CFAP54: variants seen among roughly 807,000 people sequenced by gnomAD.
CFAP54 encodes the protein cilia and flagella associated protein 54.
A neutral mutation model predicts 370.4 loss-of-function variants in CFAP54; 290 were observed. The ratio of observed to expected loss-of-function variants is 0.78; its 90% confidence interval spans 0.71 to 0.86. The LOEUF is 0.86. Ranked by LOEUF, CFAP54 falls within the 40% of genes least tolerant of loss-of-function variation. The pLI, the probability that CFAP54 is intolerant of heterozygous loss-of-function variation, is 0.00. For synonymous variants in CFAP54, 1,206 were observed against 1,236.5 expected, an observed-to-expected ratio of 0.98 and a Z score of 0.52; for missense variants, 3,399 against 3,528.7, an observed-to-expected ratio of 0.96 and a Z score of 0.93.
chr12:96,817,708 C>A, intron 64 of CFAP54, 67 bp from the exon 65 acceptor site: 1 of 1,086,972 alleles, frequency 9.2e-7, no homozygotes, highest in Non-Finnish European at 1.2e-6. Flanking sequence ...GCGTGAGCCA[C>A]CACGCCCGGC....
chr12:96,494,548 G>T (rs142345365), intron 1 of CFAP54, among the ~76,000 whole-genome samples: 1 of 151,726 alleles, frequency 6.6e-6, no homozygotes, highest in Non-Finnish European at 1.5e-5. Flanking sequence ...TGATCCACCC[G>T]CCTCAGCCTC....
intron 65 of CFAP54, among the ~76,000 whole-genome samples, chr12:96,819,469 ATTG>A (rs1346700150): frequency 2.6e-5 from 4 of 152,158 alleles, no homozygotes; most frequent in Non-Finnish European, 5.9e-5. Context: ...GCCAGAAATT[ATTG>A]TTTTTTCTGG....
chr12:96,578,901 G>A (rs1288234828), intron 20 of CFAP54, among the ~76,000 whole-genome samples: 1 of 152,120 alleles, frequency 6.6e-6, no homozygotes, highest in Non-Finnish European at 1.5e-5. Context: ...TGTTCATGAT[G>A]TCTCTACCCT....
chr12:96,765,552 C>T (rs1958394398), intron 60 of CFAP54, among the ~76,000 whole-genome samples: 1 of 152,192 alleles, frequency 6.6e-6, no homozygotes, highest in Non-Finnish European at 1.5e-5. Flanking sequence ...AATCTACATG[C>T]ACTCTCCCAC....
Position 96,538,398 on chromosome 12 carries a change from T to C in CFAP54, c.1806T>C (p.Asp602=), listed in dbSNP as rs201387248. The change falls in exon 13 of 68, where the codon GAT becomes GAC. Residue 602 remains aspartate, a synonymous_variant. Coordinates refer to ENST00000524981, the MANE Select transcript of CFAP54 (RefSeq NM_001306084.2). ...VCTAPQDVQP[D]KEIVVDTIMF... ...TTTGTTTTTAGGATGTTCAACCTGA[T>C]AAAGAAATTGTTGTGGACACGATAA... is the stretch of plus-strand genomic sequence containing the variant. 1.4e-4 allele frequency: 219 copies of C among 1,534,952 alleles called. 2 individuals carry two copies. Among genetic ancestry groups the C allele is most frequent in the South Asian group, 9.4e-4 (79 of 83,680 alleles).
Position 96,581,074 on chromosome 12 carries a change from C to G in CFAP54, c.3044C>G (p.Ser1015Cys). 1 of 1,519,214 alleles carries G rather than the reference C, an allele frequency of 6.6e-7. No homozygotes were observed. The highest frequency in any genetic ancestry group is 8.8e-7 in the Non-Finnish European group (1 of 1,139,368). 94.1% of individuals were successfully genotyped at this position (1,519,214 alleles called of 1,614,324 possible). A position where few individuals can be genotyped will look rare whatever the true frequency, so the allele number is the denominator to read the frequency against. Residue 1015 changes from serine (S) to cysteine (C), a missense_variant, in exon 22 of 68, where the codon TCT becomes TGT. This residue lies in a region of CFAP54 where 2,796 missense variants were observed against 2,869.7 expected (regional missense o/e 0.97). Coordinates refer to ENST00000524981, the MANE Select transcript of CFAP54 (RefSeq NM_001306084.2). ...CCAATTCTGGTTTATCCCCCTCTTT[C>G]TACTATTACTGCTCGGATGTTCCTG... ...TKPILVYPPL[S>C]TITARMFLTQ...
chr12:96,717,757 A>G (rs1253937964), intron 48 of CFAP54, among the ~76,000 whole-genome samples: 1 of 152,222 alleles, frequency 6.6e-6, no homozygotes, highest in Admixed American at 6.5e-5. Flanking sequence ...TGATGCTTCC[A>G]TGGAGATCTT....
intron 67 of CFAP54, among the ~76,000 whole-genome samples, chr12:96,864,782 G>A (rs1046392742): frequency 4.6e-5 from 7 of 152,054 alleles, no homozygotes; most frequent in Non-Finnish European, 8.8e-5. Context: ...CAAGAGTGTC[G>A]TAAGTGTGTG....
intron 67 of CFAP54, among the ~76,000 whole-genome samples, chr12:96,872,097 T>C (rs1960184682): frequency 6.6e-6 from 1 of 152,056 alleles, no homozygotes. Context: ...ACTCCAAGCA[T>C]GATAAATAAA....
chr12:96,652,196 CT>C (rs1956867406), intron 36 of CFAP54, among the ~76,000 whole-genome samples: 1 of 152,122 alleles, frequency 6.6e-6, no homozygotes, highest in Non-Finnish European at 1.5e-5. Context: ...CTGTCCTGTT[CT>C]ATTATTCTGG....
chr12:96,854,545 G>A (rs906092523), intron 66 of CFAP54, among the ~76,000 whole-genome samples: 6 of 152,072 alleles, frequency 3.9e-5, no homozygotes, highest in Non-Finnish European at 8.8e-5. Context: ...GAAAGCACTT[G>A]TGTACAAAAA....
intron 48 of CFAP54, 93 bp downstream of exon 48, chr12:96,708,896 A>G: frequency 3.9e-6 from 4 of 1,016,004 alleles, no homozygotes; most frequent in Non-Finnish European, 5.7e-6. Flanking sequence ...GATACAGTAT[A>G]TATTCTTCCA....
At chr12:96,741,690 C>T (rs1958054024) in intron 51 of CFAP54, among the ~76,000 whole-genome samples, 1 of 152,166 alleles carries the variant, frequency 6.6e-6, no homozygotes, top group Non-Finnish European at 1.5e-5. Flanking sequence ...GGACTCCACT[C>T]CCCCAGAAAT....
chr12:96,563,283 A>T (rs1161760393), intron 17 of CFAP54, among the ~76,000 whole-genome samples: 1 of 151,968 alleles, frequency 6.6e-6, no homozygotes, highest in African/African-American at 2.4e-5. Flanking sequence ...GTTTCCTTGA[A>T]TTTTTTCTTG....
chr12:96,600,326 TC>T (rs1462901836), intron 26 of CFAP54, among the ~76,000 whole-genome samples: 1 of 152,192 alleles, frequency 6.6e-6, no homozygotes, highest in African/African-American at 2.4e-5. Flanking sequence ...TGGTGTTATT[TC>T]TGAGTCCATT....
chr12:96,644,169 C>G lies in CFAP54; in HGVS notation c.4317-9C>G, dbSNP rs1428517474. On this transcript the variant is annotated splice_polypyrimidine_tract_variant and intron_variant, in intron 32 of 67. Transcript: ENST00000524981. Reference sequence around the variant, plus strand: ...TGTGTAATTTCAAAACTTCTTTCTCCCTTGGCAGAAATAGGAGAACCAGTG... The same window carrying G: ...TGTGTAATTTCAAAACTTCTTTCTCGCTTGGCAGAAATAGGAGAACCAGTG... The G allele has an allele frequency of 1.3e-6, 2 of 1,510,556 alleles. No homozygotes were observed. The highest frequency in any genetic ancestry group is 1.8e-6 in the Non-Finnish European group (2 of 1,129,762). The allele number at this position is 1,510,556 out of a possible 1,614,324, so 93.6% of individuals were successfully genotyped here.
At chr12:96,786,616 T>C in intron 61 of CFAP54, 59 bp from the exon 62 acceptor site, 2 of 1,240,532 alleles carry the variant, frequency 1.6e-6, no homozygotes, top group Admixed American at 4.5e-5. Flanking sequence ...ATACCAGCAA[T>C]ATTGAGATCA....
At chr12:96,828,274 G>A (rs1187518534) in intron 65 of CFAP54, among the ~76,000 whole-genome samples, 2 of 151,236 alleles carry the variant, frequency 1.3e-5, no homozygotes, top group Non-Finnish European at 2.9e-5. Flanking sequence ...TATGAGTTGA[G>A]TATGGTCATG....
intron 32 of CFAP54, among the ~76,000 whole-genome samples, chr12:96,643,721 C>G (rs2136491813): frequency 6.6e-6 from 1 of 152,204 alleles, no homozygotes; most frequent in African/African-American, 2.4e-5. Context: ...CTATATTCAA[C>G]TGATGTTTTA....
Sources: allele counts gnomAD v4.1 joint callset (sites outside exome capture counted in the v4.1 genomes callset), GRCh38; gene constraint gnomAD v4.1.1; regional missense constraint gnomAD v4.1.1; transcripts MANE v1.5; gene names NCBI Gene and HGNC (gene_info 2026-07-23, HGNC 2026-07-21).